NOS1AP: variants seen among roughly 807,000 people sequenced by gnomAD.
NOS1AP encodes the protein carboxyl-terminal PDZ ligand of neuronal nitric oxide synthase protein.
NOS1AP carries 21 observed loss-of-function variants against 56.2 expected under a neutral mutation model. That is an observed-to-expected ratio of 0.37 (90% CI 0.26 to 0.54). NOS1AP has a LOEUF of 0.54. Among genes scored for constraint, NOS1AP ranks in the 20% least tolerant of loss-of-function variants. The pLI is 0.84. For missense variants in NOS1AP, 522 were observed against 657.8 expected, an observed-to-expected ratio of 0.79 and a Z score of 2.26; for synonymous variants, 270 against 274.6, an observed-to-expected ratio of 0.98 and a Z score of 0.17.
At chr1:162,283,682 G>A (rs929369744) in intron 2 of NOS1AP, among the ~76,000 whole-genome samples, 2 of 152,180 alleles carry the variant, frequency 1.3e-5, no homozygotes, top group African/African-American at 2.4e-5. Context: ...TCCAAAACAA[G>A]GTCCCAAGGC....
At chr1:162,102,194 A>G (rs1647305275) in intron 1 of NOS1AP, among the ~76,000 whole-genome samples, 1 of 152,136 alleles carries the variant, frequency 6.6e-6, no homozygotes, top group Non-Finnish European at 1.5e-5. Flanking sequence ...TTCTGCATCT[A>G]TTGAGATAAT....
At chr1:162,348,148 C>G (rs1006595005) in intron 6 of NOS1AP, among the ~76,000 whole-genome samples, 1 of 152,186 alleles carries the variant, frequency 6.6e-6, no homozygotes, top group Admixed American at 6.5e-5. Context: ...AATAAACTGA[C>G]AAACAGAGCC....
intron 5 of NOS1AP, among the ~76,000 whole-genome samples, chr1:162,335,132 T>C (rs555833219): frequency 6.6e-6 from 1 of 152,344 alleles, no homozygotes; most frequent in South Asian, 2.1e-4. Context: ...TTCCCTATCA[T>C]GTCAATTTTT....
chr1:162,317,540 G>A (rs1656269826), intron 4 of NOS1AP, among the ~76,000 whole-genome samples: 1 of 152,042 alleles, frequency 6.6e-6, no homozygotes, highest in African/African-American at 2.4e-5. Context: ...CTGATGAAGG[G>A]GAATTTGAAA....
At chr1:162,236,507 C>T (rs1240096256) in intron 2 of NOS1AP, among the ~76,000 whole-genome samples, 3 of 152,208 alleles carry the variant, frequency 2.0e-5, no homozygotes, top group Non-Finnish European at 4.4e-5. Flanking sequence ...TGTCTTTCTA[C>T]TCCCGTCCAT....
chr1:162,230,702 A>G (rs1389233622), intron 2 of NOS1AP, among the ~76,000 whole-genome samples: 1 of 152,154 alleles, frequency 6.6e-6, no homozygotes, highest in Non-Finnish European at 1.5e-5. Flanking sequence ...TATTTCAATG[A>G]ATTTTATTAC....
chr1:162,251,308 G>A (rs910425342), intron 2 of NOS1AP, among the ~76,000 whole-genome samples: 3 of 152,010 alleles, frequency 2.0e-5, no homozygotes, highest in African/African-American at 7.3e-5. Flanking sequence ...TCTTCCCTGA[G>A]TTCTTCAAAT....
chr1:162,119,998 G>A (rs1648137679), intron 1 of NOS1AP, among the ~76,000 whole-genome samples: 1 of 152,112 alleles, frequency 6.6e-6, no homozygotes, highest in African/African-American at 2.4e-5. Flanking sequence ...TGTCTTTGGT[G>A]CTGCTGGTGG....
chr1:162,174,771 C>T (rs1202458935), intron 2 of NOS1AP, among the ~76,000 whole-genome samples: 1 of 152,076 alleles, frequency 6.6e-6, no homozygotes, highest in East Asian at 1.9e-4. Context: ...TTCATATTTC[C>T]TTAGTTTTCC....
At chr1:162,167,113 G>T (rs1650537655) in intron 2 of NOS1AP, among the ~76,000 whole-genome samples, 1 of 152,186 alleles carries the variant, frequency 6.6e-6, no homozygotes, top group Non-Finnish European at 1.5e-5. Context: ...CTAAGTCTCT[G>T]CCTCCCTGGA....
In NOS1AP at chr1:162,288,325, T is replaced by C. The variant is rs574473929; in HGVS notation, c.270+889T>C. On this transcript the variant is annotated intron_variant, in intron 3 of 9. Coordinates refer to ENST00000361897, the MANE Select transcript of NOS1AP (RefSeq NM_014697.3). ...ACCATATCATAGTCCTCCATAGACC[T>C]CCTGAGCTTATTTTGGTTCCAAATC... Among the ~76,000 whole-genome samples the C allele has an allele frequency of 4.6e-5, 7 of 152,342 alleles. No homozygotes were observed. In the East Asian group the frequency reaches 1.3e-3, roughly 29 times the overall value.
intron 2 of NOS1AP, among the ~76,000 whole-genome samples, chr1:162,284,888 A>T (rs755952217): frequency 5.9e-5 from 9 of 152,146 alleles, no homozygotes; most frequent in Non-Finnish European, 1.0e-4. Context: ...CAAGAAAGAG[A>T]GATATGGTCA....
At chr1:162,085,471 A>G (rs1236381377) in intron 1 of NOS1AP, among the ~76,000 whole-genome samples, 1 of 152,128 alleles carries the variant, frequency 6.6e-6, no homozygotes, top group Non-Finnish European at 1.5e-5. Flanking sequence ...ACCAAGAAGA[A>G]CTGGGGTCCT....
intron 1 of NOS1AP, among the ~76,000 whole-genome samples, chr1:162,112,285 A>G (rs1295173104): frequency 6.6e-6 from 1 of 152,208 alleles, no homozygotes; most frequent in Non-Finnish European, 1.5e-5. Context: ...AAAGTACCAT[A>G]TATTGTCTGT....
intron 8 of NOS1AP, chr1:162,363,690 C>A (rs1657975674): frequency 1.5e-5 from 10 of 675,858 alleles, no homozygotes; most frequent in Non-Finnish European, 1.8e-5. Context: ...ACACTCTTAC[C>A]ACTCTGGAGA....
chr1:162,122,639 C>T (rs1571032840), intron 1 of NOS1AP, among the ~76,000 whole-genome samples: 2 of 151,972 alleles, frequency 1.3e-5, no homozygotes, highest in East Asian at 1.9e-4. Flanking sequence ...TCCTGATTAG[C>T]TGGGACTATA....
chr1:162,289,280 T>TTC (rs1557864931), intron 3 of NOS1AP, among the ~76,000 whole-genome samples: 1,364 of 36,348 alleles, frequency 0.038, 161 homozygotes, highest in Middle Eastern at 0.056. Flanking sequence ...TTCCTTCCTT[T>TTC]CCTTCCTTCC....
chr1:162,342,681 TA>T (rs1258446613), intron 5 of NOS1AP: 1 of 422,856 alleles, frequency 2.4e-6, no homozygotes, highest in East Asian at 6.7e-5. Flanking sequence ...ATCAGTTAGG[TA>T]ATGTAATACC....
At chr1:162,134,385 G>A (rs1249938449) in intron 1 of NOS1AP, among the ~76,000 whole-genome samples, 1 of 151,556 alleles carries the variant, frequency 6.6e-6, no homozygotes, top group East Asian at 1.9e-4. Flanking sequence ...TACTGGGGAG[G>A]CTGAGGCATG....
Sources: gnomAD v4.1 joint callset for allele counts (sites outside exome capture counted in the v4.1 genomes callset) on GRCh38, gnomAD v4.1.1 for gene constraint, MANE v1.5 for transcripts, NCBI Gene and HGNC (gene_info 2026-07-23, HGNC 2026-07-21) for gene names.